KDM6A: variants seen among roughly 807,000 people sequenced by gnomAD.
KDM6A encodes the protein lysine demethylase 6A, also known as lysine-specific demethylase 6A.
Under a neutral mutation model 117.6 loss-of-function variants are expected in KDM6A, and 11 were observed. The ratio of observed to expected loss-of-function variants is 0.09; its 90% CI spans 0.06 to 0.15. KDM6A has a LOEUF of 0.15. Ranked by LOEUF, KDM6A falls within the 10% of genes least tolerant of loss-of-function variation. The pLI is 1.00. For missense variants in KDM6A, 799 were observed against 1,077.3 expected (o/e 0.74, Z 3.62); for synonymous variants, 384 against 396.1 (o/e 0.97, Z 0.36).
Position 44,905,878 on chromosome X carries a change from A to G in KDM6A, c.225+31891A>G, listed in dbSNP as rs1302258690. On this transcript the variant is annotated intron_variant, in intron 2 of 29. Coordinates refer to ENST00000611820, the MANE Select transcript of KDM6A (RefSeq NM_001291415.2). ...TCAACCATTTAAAAACAAGTTTATG[A>G]CTTTTTGTTTTAAAAATTAAAGGCA... Among the ~76,000 whole-genome samples the G allele has an allele frequency of 3.6e-5, 4 of 112,417 alleles. No homozygotes were observed. In the South Asian group the frequency reaches 1.4e-3, roughly 40 times the overall value.
chrX:45,008,251 G>A (rs984713368), intron 4 of KDM6A, among the ~76,000 whole-genome samples: 10 of 111,187 alleles, frequency 9.0e-5, no homozygotes, highest in African/African-American at 2.6e-4. Flanking sequence ...GCGGGCGCCT[G>A]TAGTCCCAGC....
At position 44,940,975 on chromosome X, in the gene KDM6A, C is replaced by T. The variant is rs764574085; in HGVS notation, c.226-20309C>T. Among the ~76,000 whole-genome samples, 7 of 111,036 alleles carry T rather than the reference C, an allele frequency of 6.3e-5. No homozygotes were observed. The East Asian group carries it at 1.4e-3, about 22-fold the overall frequency. On this transcript the variant is annotated intron_variant, in intron 2 of 29. Coordinates refer to ENST00000611820, the MANE Select transcript of KDM6A (RefSeq NM_001291415.2). ...GCTTGAATCCAGGAGGCGGAGGTTG[C>T]GGTGAGCTGAGATCATGCCACTGCA...
chrX:45,006,095 T>C (rs1280200492), intron 4 of KDM6A, among the ~76,000 whole-genome samples: 10 of 98,905 alleles, frequency 1.0e-4, no homozygotes, highest in Admixed American at 3.3e-4. Flanking sequence ...TTGGTCTGTG[T>C]ACAGTCATCA....
chrX:44,922,567 C>G (rs1177235472), intron 2 of KDM6A, among the ~76,000 whole-genome samples: 1 of 111,835 alleles, frequency 8.9e-6, no homozygotes, highest in Non-Finnish European at 1.9e-5. Flanking sequence ...ATCCCGCGTT[C>G]AAGTGATTCT....
At chrX:44,958,016 C>T (rs377462073) in intron 2 of KDM6A, among the ~76,000 whole-genome samples, 8 of 111,163 alleles carry the variant, frequency 7.2e-5, no homozygotes, top group African/African-American at 2.6e-4. Flanking sequence ...GTCTAAATGG[C>T]TACTGTATTG....
At chrX:45,032,319 A>G (rs2042631776) in intron 6 of KDM6A, among the ~76,000 whole-genome samples, 1 of 111,354 alleles carries the variant, frequency 9.0e-6, no homozygotes, top group Non-Finnish European at 1.9e-5. Flanking sequence ...CTACTGGTGT[A>G]TATGTTAATA....
intron 7 of KDM6A, among the ~76,000 whole-genome samples, chrX:45,035,774 A>G (rs1364561224): frequency 1.8e-5 from 2 of 109,548 alleles, no homozygotes; most frequent in African/African-American, 6.7e-5. Flanking sequence ...ATTTTGGCTC[A>G]CTGCAAGCTC....
chrX:45,015,708 G>A (rs972874074), intron 5 of KDM6A, among the ~76,000 whole-genome samples: 2 of 111,642 alleles, frequency 1.8e-5, no homozygotes, highest in Non-Finnish European at 3.8e-5. Flanking sequence ...TTGAAATTAA[G>A]CAGTTAATGT....
intron 3 of KDM6A, among the ~76,000 whole-genome samples, chrX:44,968,949 A>G (rs1239137995): frequency 8.9e-5 from 9 of 100,618 alleles, no homozygotes; most frequent in Non-Finnish European, 1.6e-4. Flanking sequence ...CAGCCTGGAC[A>G]GTAAGAATGA....
At chrX:45,082,849 G>A (rs1479931928) in intron 23 of KDM6A, 60 bp downstream of exon 23, 1 of 739,321 alleles carries the variant, frequency 1.4e-6, no homozygotes, top group Non-Finnish European at 2.1e-6. Flanking sequence ...GTGCTAGATT[G>A]GGAATTCTCT....
At chrX:45,032,728 G>C (rs1433033867) in intron 6 of KDM6A, among the ~76,000 whole-genome samples, 1 of 111,556 alleles carries the variant, frequency 9.0e-6, no homozygotes, top group African/African-American at 3.3e-5. Flanking sequence ...TGGGATTATA[G>C]GCGTGAGCTA....
At chrX:44,956,509 C>G (rs1024375253) in intron 2 of KDM6A, among the ~76,000 whole-genome samples, 1 of 110,859 alleles carries the variant, frequency 9.0e-6, no homozygotes, top group African/African-American at 3.3e-5. Flanking sequence ...AAGCCATCCT[C>G]CCGCTTCAAG....
intron 2 of KDM6A, among the ~76,000 whole-genome samples, chrX:44,915,099 G>A (rs1161477042): frequency 9.0e-6 from 1 of 111,514 alleles, no homozygotes. Flanking sequence ...TAGCTCCAAG[G>A]TTTTTTTCTT....
intron 4 of KDM6A, among the ~76,000 whole-genome samples, chrX:44,974,924 C>G (rs1252589551): frequency 9.0e-6 from 1 of 111,657 alleles, no homozygotes; most frequent in Non-Finnish European, 1.9e-5. Flanking sequence ...TTAGAGTCCT[C>G]TGACACATTT....
Position 45,048,478 on chromosome X carries a change from A to T in KDM6A, c.655-3231A>T, listed in dbSNP as rs764833365. Among the ~76,000 whole-genome samples, 3 of 111,269 alleles carry T rather than the reference A, an allele frequency of 2.7e-5. No homozygotes were observed. The South Asian group carries it at 1.1e-3, about 42-fold the overall frequency. On this transcript the variant is annotated intron_variant, in intron 8 of 29. Coordinates refer to ENST00000611820, the MANE Select transcript of KDM6A (RefSeq NM_001291415.2). The stretch of plus-strand genomic sequence containing the variant: ...TCTGTTCATGCATAATTCGGCAGTC[A>T]GAGCTTTGGGCAGAGTTTATGTGTG...
chrX:44,876,080 A>T (rs2031504859), intron 2 of KDM6A, among the ~76,000 whole-genome samples: 1 of 111,792 alleles, frequency 8.9e-6, no homozygotes, highest in South Asian at 3.7e-4. Flanking sequence ...TATATGGGGT[A>T]ATTTGATGAA....
chrX:44,960,073 A>G (rs1380759040), intron 2 of KDM6A, among the ~76,000 whole-genome samples: 1 of 111,921 alleles, frequency 8.9e-6, no homozygotes, highest in African/African-American at 3.2e-5. Flanking sequence ...AAGGCTCTGT[A>G]TTTCACAGGA....
intron 2 of KDM6A, among the ~76,000 whole-genome samples, chrX:44,912,341 G>A (rs1238293869): frequency 5.4e-5 from 6 of 110,804 alleles, no homozygotes; most frequent in African/African-American, 1.6e-4. Flanking sequence ...TGCCCACCTC[G>A]GCCTCCCAAA....
intron 2 of KDM6A, among the ~76,000 whole-genome samples, chrX:44,902,123 G>T (rs992306561): frequency 9.0e-6 from 1 of 110,882 alleles, no homozygotes; most frequent in Non-Finnish European, 1.9e-5. Flanking sequence ...GCTACTACTT[G>T]GGAGGCTGAG....
Sources: allele counts gnomAD v4.1 joint callset (sites outside exome capture counted in the v4.1 genomes callset), GRCh38; gene constraint gnomAD v4.1.1; transcripts MANE v1.5; gene names NCBI Gene and HGNC (gene_info 2026-07-23, HGNC 2026-07-21).